IQCH: variants seen among roughly 807,000 people sequenced by gnomAD.
IQCH encodes IQ motif containing H.
IQCH carries 98 observed loss-of-function variants against 117.0 expected under a neutral mutation model. That is an observed-to-expected ratio of 0.84 (90% CI 0.71 to 0.99). The LOEUF is 0.99. IQCH is among the 50% of genes least tolerant of loss of function. The pLI is 0.00. For missense variants in IQCH, 1,102 were observed against 1,243.8 expected, an observed-to-expected ratio of 0.89 and a Z score of 1.72; for synonymous variants, 412 against 448.2, an observed-to-expected ratio of 0.92 and a Z score of 1.02.
At position 67,263,154 on chromosome 15, in the gene IQCH, C is replaced by A. The variant is rs1201371816; in HGVS notation, c.207C>A (p.Asn69Lys). The A allele has an allele frequency of 3.2e-6, 5 of 1,576,510 alleles. No individual in the cohort carries two copies. The highest frequency in any genetic ancestry group is 4.4e-6 in the Non-Finnish European group (5 of 1,146,230). ...IHIEKYLNVVNQNVLTTSVND... is the reference protein window; with the variant it reads ...IHIEKYLNVVKQNVLTTSVND... ...TTGAGAAGTATTTAAATGTTGTAAA[C>A]CAGAATGTATTAACGACTTCTGTTA... Residue 69 changes from asparagine to lysine, a missense_variant, in exon 3 of 21, where the codon AAC (asparagine) becomes AAA (lysine). Around this residue, in one of 2 missense-constraint regions of IQCH, gnomAD observed 452 missense variants for 449.6 expected, o/e 1.01. Transcript: ENST00000335894.
chr15:67,333,004 G>C (rs1968732196), intron 4 of IQCH, among the ~76,000 whole-genome samples: 1 of 152,164 alleles, frequency 6.6e-6, no homozygotes, highest in African/African-American at 2.4e-5. Flanking sequence ...GGCAGATTTG[G>C]TGTCTGGTGA....
At chr15:67,484,045 G>GA (rs747572174) in intron 18 of IQCH, among the ~76,000 whole-genome samples, 5 of 152,236 alleles carry the variant, frequency 3.3e-5, no homozygotes, top group East Asian at 1.9e-4. Flanking sequence ...TTCCCTAGGA[G>GA]AAAAAACTAA....
Position 67,376,895 on chromosome 15 carries a change from G to C in IQCH, c.1372+3462G>C, listed in dbSNP as rs1290774148. 6.6e-6 allele frequency among the ~76,000 whole-genome samples: 1 copy of C among 152,086 alleles called. No individual in the cohort carries two copies. On this transcript the variant is annotated intron_variant, in intron 10 of 20. Transcript: ENST00000335894. This position sits in a 1 kb window ranked among gnomAD's most constrained non-coding sequence, Gnocchi z 5.0. ...ATCCTTCAAGAGGCCAAGGTGGGCA[G>C]ATCACGAGGTCAAGAGATCGAGACC...
At chr15:67,477,044 C>CTTTTTTTTTTTTTTTTTTTT (rs71455553) in intron 18 of IQCH, among the ~76,000 whole-genome samples, 82 of 71,152 alleles carry the variant, frequency 1.2e-3, no homozygotes, top group East Asian at 1.8e-3. Flanking sequence ...TCTTTTTCTT[C>CTTTTTTTTTTTTTTTTTTTT]TTTTTTTTTT....
At chr15:67,284,525 C>T (rs1966486133) in intron 4 of IQCH, among the ~76,000 whole-genome samples, 1 of 152,104 alleles carries the variant, frequency 6.6e-6, no homozygotes, top group African/African-American at 2.4e-5. Flanking sequence ...AAACTTGTGT[C>T]ATGGGGATTT....
intron 18 of IQCH, among the ~76,000 whole-genome samples, chr15:67,478,934 A>G (rs2083278119): frequency 6.6e-6 from 1 of 152,094 alleles, no homozygotes; most frequent in South Asian, 2.1e-4. Context: ...AAAAAAAAAG[A>G]AAGAAATGAA....
intron 18 of IQCH, among the ~76,000 whole-genome samples, chr15:67,485,739 A>G (rs1052958219): frequency 1.1e-4 from 16 of 152,194 alleles, no homozygotes; most frequent in African/African-American, 3.9e-4. Flanking sequence ...GCTCACTGCA[A>G]CCTCCGCCTT....
At chr15:67,281,328 CA>C (rs780486888) in intron 4 of IQCH, among the ~76,000 whole-genome samples, 5 of 152,104 alleles carry the variant, frequency 3.3e-5, no homozygotes, top group Non-Finnish European at 7.4e-5. Context: ...AAAAGGCATA[CA>C]AGTTTATTTA....
chr15:67,316,330 A>G (rs373570403), intron 4 of IQCH, among the ~76,000 whole-genome samples: 3 of 152,232 alleles, frequency 2.0e-5, no homozygotes, highest in African/African-American at 7.2e-5. Context: ...TTAGTTTAAC[A>G]TAACCATAAT....
At chr15:67,340,987 G>A (rs1012201136) in intron 5 of IQCH, among the ~76,000 whole-genome samples, 7 of 152,146 alleles carry the variant, frequency 4.6e-5, no homozygotes, top group Non-Finnish European at 7.3e-5. Flanking sequence ...GAAGGTAGAC[G>A]GATTGCTGGA....
chr15:67,411,067 T>C lies in IQCH; in HGVS notation c.2098-5864T>C, dbSNP rs1178992127. On this transcript the variant is annotated intron_variant, in intron 14 of 20. Coordinates refer to ENST00000335894, the MANE Select transcript of IQCH (RefSeq NM_001031715.3). This position sits in a 1 kb window ranked among gnomAD's most constrained non-coding sequence, Gnocchi z 4.4. The stretch of plus-strand genomic sequence containing the variant: ...TGCCTACCATATGGTGAGCTTTTAA[T>C]TATTAAAAGCTTTTAGGATTTTAAT... 6.6e-6 allele frequency among the ~76,000 whole-genome samples: 1 copy of C among 152,128 alleles called. No homozygotes were observed. Among genetic ancestry groups the C allele is most frequent in the Non-Finnish European group, 1.5e-5 (1 of 68,026 alleles).
intron 4 of IQCH, among the ~76,000 whole-genome samples, chr15:67,318,597 C>T (rs566343216): frequency 6.6e-6 from 1 of 151,884 alleles, no homozygotes; most frequent in African/African-American, 2.4e-5. Flanking sequence ...CTCTTTTTTT[C>T]CCCCTAAAGA....
intron 16 of IQCH, among the ~76,000 whole-genome samples, chr15:67,428,683 T>C (rs2081948966): frequency 6.6e-6 from 1 of 151,934 alleles, no homozygotes; most frequent in African/African-American, 2.4e-5. Flanking sequence ...ACCCCATCTC[T>C]ACTAAAAATA....
At chr15:67,302,346 TC>T (rs1967087491) in intron 4 of IQCH, among the ~76,000 whole-genome samples, 1 of 152,182 alleles carries the variant, frequency 6.6e-6, no homozygotes, top group African/African-American at 2.4e-5. Context: ...GGTATTAATT[TC>T]AATAGAAGAG....
At chr15:67,410,180 G>C (rs932481126) in intron 14 of IQCH, among the ~76,000 whole-genome samples, 5 of 152,186 alleles carry the variant, frequency 3.3e-5, no homozygotes, top group Non-Finnish European at 7.3e-5. Context: ...TCCCCCATTT[G>C]CATCAGTTTA....
chr15:67,363,606 A>G (rs1404089621), intron 8 of IQCH, among the ~76,000 whole-genome samples: 5 of 152,128 alleles, frequency 3.3e-5, no homozygotes, highest in Admixed American at 6.6e-5. Flanking sequence ...TTACATAGGT[A>G]TTAATAAGCT....
At chr15:67,286,487 A>C (rs1966565075) in intron 4 of IQCH, among the ~76,000 whole-genome samples, 1 of 152,164 alleles carries the variant, frequency 6.6e-6, no homozygotes, top group Non-Finnish European at 1.5e-5. Context: ...CAGTGGTGAA[A>C]GTGGGCGTCC....
chr15:67,380,775 G>C (rs1490853010), intron 10 of IQCH, among the ~76,000 whole-genome samples: 1 of 152,176 alleles, frequency 6.6e-6, no homozygotes, highest in Non-Finnish European at 1.5e-5. Flanking sequence ...ATGCTGCTGG[G>C]AGGATGTGAT....
chr15:67,314,031 A>G (rs1596159890), intron 4 of IQCH, among the ~76,000 whole-genome samples: 1 of 152,172 alleles, frequency 6.6e-6, no homozygotes, highest in East Asian at 1.9e-4. Context: ...TCCCTTTCAT[A>G]TAAATGGCCA....
Sources: allele counts gnomAD v4.1 joint callset (sites outside exome capture counted in the v4.1 genomes callset), GRCh38; gene constraint gnomAD v4.1.1; regional missense constraint gnomAD v4.1.1; non-coding constraint Gnocchi (gnomAD v3.1); transcripts MANE v1.5; gene names NCBI Gene and HGNC (gene_info 2026-07-23, HGNC 2026-07-21).